Variants in CHSY1 observed in about 807,000 individuals in gnomAD.
The protein encoded by CHSY1 is chondroitin sulfate synthase 1.
CHSY1 carries 13 observed loss-of-function variants against 59.8 expected under a neutral mutation model. The observed-to-expected ratio is 0.22, with a 90% confidence interval of 0.14 to 0.35. The LOEUF (loss-of-function observed/expected upper bound fraction) is 0.35. Ranked by LOEUF, CHSY1 falls within the 10% of genes least tolerant of loss-of-function variation. The pLI, the probability that CHSY1 is intolerant of heterozygous loss-of-function variation, is 1.00. For missense variants in CHSY1, 947 were observed against 1,030.6 expected (o/e 0.92, Z 1.11); for synonymous variants, 459 against 401.2 (o/e 1.14, Z -1.72).
chr15:101,249,641 G>A (rs1345237596), intron 1 of CHSY1, among the ~76,000 whole-genome samples: 1 of 150,516 alleles, frequency 6.6e-6, no homozygotes, highest in Non-Finnish European at 1.5e-5. Flanking sequence ...AGCCTCCTGA[G>A]TGGCTGGGAC....
chr15:101,242,909 CT>C (rs1274933584), intron 1 of CHSY1, among the ~76,000 whole-genome samples: 2 of 152,206 alleles, frequency 1.3e-5, no homozygotes, highest in Non-Finnish European at 2.9e-5. Flanking sequence ...ATCTCAAACC[CT>C]TTTTGAAAGG....
intron 2 of CHSY1, among the ~76,000 whole-genome samples, chr15:101,198,495 G>C (rs72768556): frequency 0.1 from 15,369 of 152,230 alleles, 1,105 homozygotes; most frequent in Middle Eastern, 0.19. Flanking sequence ...TTAAAAGCCA[G>C]TTTTCAGAGT....
At chr15:101,232,727 T>A (rs567037977) in intron 2 of CHSY1, among the ~76,000 whole-genome samples, 2 of 152,260 alleles carry the variant, frequency 1.3e-5, no homozygotes, top group Admixed American at 1.3e-4. Flanking sequence ...CTATCCAGAA[T>A]AAAGCACTTC....
At chr15:101,183,889 C>T (rs769424682) in intron 2 of CHSY1, among the ~76,000 whole-genome samples, 2 of 152,228 alleles carry the variant, frequency 1.3e-5, no homozygotes, top group Non-Finnish European at 1.5e-5. Context: ...ATATGTTACA[C>T]ATGGTAAACG....
Position 101,177,743 on chromosome 15 carries a change from GTTT to G in CHSY1, c.2051_2053del (p.Lys684del), listed in dbSNP as rs1287234260. 6.2e-7 allele frequency: 1 copy of G among 1,614,158 alleles called. No homozygotes were observed. The highest frequency in any genetic ancestry group is 8.5e-7 in the Non-Finnish European group (1 of 1,180,040). On this transcript the variant is annotated inframe_deletion, in exon 3 of 3. Transcript: ENST00000254190. ...AAACCCATAGTTTCTCCAGAAGCCA[GTTT>G]TCTGAGTAAAGGCAAAATGGTTGTC...
intron 2 of CHSY1, among the ~76,000 whole-genome samples, chr15:101,188,820 A>C (rs1218667149): frequency 2.0e-5 from 3 of 152,250 alleles, no homozygotes; most frequent in Non-Finnish European, 4.4e-5. Context: ...CCATGTCTAC[A>C]TCATCAGCAG....
chr15:101,222,636 TCCTGA>T, intron 2 of CHSY1, among the ~76,000 whole-genome samples: 1 of 152,340 alleles, frequency 6.6e-6, no homozygotes, highest in East Asian at 1.9e-4. Context: ...TCCTTGCTTT[TCCTGA>T]CCTGACACTT....
intron 2 of CHSY1, among the ~76,000 whole-genome samples, chr15:101,204,359 G>A (rs1369909613): frequency 1.1e-4 from 17 of 150,638 alleles, no homozygotes; most frequent in Admixed American, 9.3e-4. Flanking sequence ...ACTTGAACCC[G>A]GGAGATGGAG....
intron 2 of CHSY1, among the ~76,000 whole-genome samples, chr15:101,192,298 A>G (rs1384684504): frequency 1.3e-5 from 2 of 152,256 alleles, no homozygotes; most frequent in Non-Finnish European, 2.9e-5. Flanking sequence ...CAACAATGTA[A>G]GTGGCTCCTG....
chr15:101,207,982 C>T (rs566937383), intron 2 of CHSY1, among the ~76,000 whole-genome samples: 4 of 152,240 alleles, frequency 2.6e-5, no homozygotes, highest in South Asian at 2.1e-4. Context: ...GGGAAGGCAC[C>T]GGGAAGGAGG....
At chr15:101,184,887 C>T (rs2038333738) in intron 2 of CHSY1, among the ~76,000 whole-genome samples, 1 of 152,176 alleles carries the variant, frequency 6.6e-6, no homozygotes, top group Non-Finnish European at 1.5e-5. Flanking sequence ...GAAGTTCCTA[C>T]CTGACAGACT....
intron 2 of CHSY1, among the ~76,000 whole-genome samples, chr15:101,205,858 A>G (rs1055594304): frequency 1.3e-5 from 2 of 152,108 alleles, no homozygotes; most frequent in Non-Finnish European, 2.9e-5. Context: ...GGGCTGAGGC[A>G]GGAGAATGGC....
At chr15:101,224,809 G>A (rs995013023) in intron 2 of CHSY1, among the ~76,000 whole-genome samples, 3 of 152,194 alleles carry the variant, frequency 2.0e-5, no homozygotes, top group Non-Finnish European at 4.4e-5. Flanking sequence ...ACCACCAGAT[G>A]CAGCTGCACC....
At chr15:101,235,699 G>T (rs2038934476) in intron 1 of CHSY1, 122 bp from the exon 2 acceptor site, 15 of 1,107,942 alleles carry the variant, frequency 1.4e-5, no homozygotes, top group Non-Finnish European at 1.9e-5. Context: ...TACTTGGCCT[G>T]CTTGGTTCCT....
intron 2 of CHSY1, among the ~76,000 whole-genome samples, chr15:101,225,215 G>C (rs1294486088): frequency 2.0e-5 from 3 of 150,880 alleles, no homozygotes; most frequent in African/African-American, 4.9e-5. Context: ...CCACAGGCGT[G>C]CAACAAAATA....
At chr15:101,248,457 T>C (rs537854673) in intron 1 of CHSY1, among the ~76,000 whole-genome samples, 3 of 152,300 alleles carry the variant, frequency 2.0e-5, no homozygotes, top group East Asian at 3.9e-4. Flanking sequence ...CTCTGACTTC[T>C]TAAGATCTGA....
intron 2 of CHSY1, among the ~76,000 whole-genome samples, chr15:101,181,072 G>A (rs1401801067): frequency 6.6e-6 from 1 of 152,182 alleles, no homozygotes; most frequent in Non-Finnish European, 1.5e-5. Context: ...GACCTGCTAC[G>A]GTGCCTCAGA....
intron 2 of CHSY1, among the ~76,000 whole-genome samples, chr15:101,204,164 G>A (rs1197084531): frequency 6.6e-6 from 1 of 152,202 alleles, no homozygotes; most frequent in Non-Finnish European, 1.5e-5. Context: ...CGGGCACAGT[G>A]GCTCACACCT....
chr15:101,238,530 C>A (rs569864204), intron 1 of CHSY1, among the ~76,000 whole-genome samples: 312 of 152,306 alleles, frequency 2.0e-3, no homozygotes, highest in African/African-American at 7.3e-3. Flanking sequence ...CTGGAAGATG[C>A]ACCATTGTTT....
Sources: gnomAD v4.1 joint callset for allele counts (sites outside exome capture counted in the v4.1 genomes callset) on GRCh38, gnomAD v4.1.1 for gene constraint, MANE v1.5 for transcripts, NCBI Gene and HGNC (gene_info 2026-07-23, HGNC 2026-07-21) for gene names.